Variants in TBX1 observed in about 807,000 individuals in gnomAD.
The protein encoded by TBX1 is T-box transcription factor 1.
A neutral mutation model predicts 40.8 loss-of-function variants in TBX1; 16 were observed. That is an observed-to-expected ratio of 0.39 (90% CI 0.27 to 0.60). The LOEUF is 0.60. TBX1 is among the 20% of genes least tolerant of loss of function. TBX1 has a pLI of 0.51. For synonymous variants in TBX1, 403 were observed against 336.8 expected (o/e 1.20, Z -2.15); for missense variants, 755 against 728.5 (o/e 1.04, Z -0.42).
intron 2 of TBX1, among the ~76,000 whole-genome samples, chr22:19,763,891 T>A (rs1680491216): frequency 1.3e-5 from 2 of 151,844 alleles, no homozygotes; most frequent in Admixed American, 1.3e-4. Flanking sequence ...TCCAGCGAAA[T>A]GAGATGGCAG....
intron 8 of TBX1, among the ~76,000 whole-genome samples, chr22:19,777,588 G>A (rs756432584): frequency 5.3e-5 from 8 of 152,066 alleles, no homozygotes; most frequent in Non-Finnish European, 5.9e-5. Context: ...TAATGGGGTG[G>A]CTGAGTTCTA....
chr22:19,757,761 C>G (rs1190105615), upstream of TBX1, among the ~76,000 whole-genome samples: 3 of 152,216 alleles, frequency 2.0e-5, no homozygotes, highest in African/African-American at 7.2e-5. Context: ...GGGCCTGGAA[C>G]CAGCTGGTCC....
chr22:19,766,263 G>A, intron 6 of TBX1, 126 bp from the exon 7 acceptor site: 1 of 1,174,708 alleles, frequency 8.5e-7, no homozygotes, highest in Non-Finnish European at 1.1e-6. Flanking sequence ...CGGGCACGCT[G>A]GCACCGACTG....
At chr22:19,765,875 C>T in intron 5 of TBX1, 27 bp from the exon 6 acceptor site, 1 of 1,553,386 alleles carries the variant, frequency 6.4e-7, no homozygotes, top group Non-Finnish European at 8.7e-7. Flanking sequence ...GGCGCAGGCG[C>T]CGCCCTGATC....
At chr22:19,764,448 T>C in intron 3 of TBX1, 122 bp downstream of exon 3, 1 of 1,310,960 alleles carries the variant, frequency 7.6e-7, no homozygotes, top group South Asian at 1.2e-5. Flanking sequence ...GGCTCTGGGC[T>C]GTCCCCGAGG....
chr22:19,780,776 G>GGTTTTTTT (rs1555898567), downstream of TBX1, among the ~76,000 whole-genome samples: 8 of 119,102 alleles, frequency 6.7e-5, no homozygotes, highest in African/African-American at 2.7e-4. Flanking sequence ...CTTGTTTTCT[G>GGTTTTTTT]TTTTTTTTTT....
chr22:19,757,261 C>T (rs1936508124), upstream of TBX1, among the ~76,000 whole-genome samples: 1 of 152,154 alleles, frequency 6.6e-6, no homozygotes, highest in African/African-American at 2.4e-5. Context: ...TCTGCTGTGG[C>T]AAGCTGGCCG....
downstream of TBX1, chr22:19,783,479 G>C (rs756991054): frequency 3.8e-6 from 1 of 264,468 alleles, no homozygotes; most frequent in Non-Finnish European, 7.4e-6. Context: ...GAGCCTATTA[G>C]TTGGAGGCTG....
intron 8 of TBX1, among the ~76,000 whole-genome samples, chr22:19,778,018 T>C (rs1236579378): frequency 6.6e-6 from 1 of 150,444 alleles, no homozygotes; most frequent in Admixed American, 6.6e-5. Context: ...CCTTGGCCTC[T>C]CAAAGTGCTG....
exon 9 of TBX1, chr22:19,779,494 A>G (rs758489369): frequency 2.5e-6 from 4 of 1,591,252 alleles, no homozygotes; most frequent in Non-Finnish European, 3.4e-6. Flanking sequence ...TTAAAAAAAC[A>G]GTGACTTGTT....
chr22:19,777,940 T>TA, intron 8 of TBX1, among the ~76,000 whole-genome samples: 1 of 151,770 alleles, frequency 6.6e-6, no homozygotes, highest in Admixed American at 6.6e-5. Context: ...TTAAGTTTTT[T>TA]GTGGAGATGG....
rs147834990 is a variant in TBX1 at position 19,779,385 on chromosome 22, C to T, written c.1175C>T (p.Thr392Ile). The stretch of plus-strand genomic sequence containing the variant: ...ACCCAGGGCCTGGTGGCTGGGAGGA[C>T]CGCAGGTGACCGTCTTTGTTGAATG... Residue 392 changes from threonine (T) to isoleucine (I), a missense_variant, in exon 9 of 9, where the codon ACC becomes ATC. Transcript: ENST00000329705. 21 of 1,614,102 alleles carry T rather than the reference C, an allele frequency of 1.3e-5. No individual in the cohort carries two copies. In the African/African-American group the frequency reaches 2.1e-4, roughly 16 times the overall value.
chr22:19,771,375 T>C (rs1006569528), downstream of TBX1, among the ~76,000 whole-genome samples: 4 of 152,224 alleles, frequency 2.6e-5, no homozygotes, highest in Non-Finnish European at 5.9e-5. Context: ...TCAAACCAGA[T>C]GGGCTCCTCA....
intron 8 of TBX1, chr22:19,779,129 C>G: frequency 6.8e-7 from 1 of 1,470,642 alleles, no homozygotes; most frequent in Non-Finnish European, 9.4e-7. Context: ...GGTTCAGACA[C>G]TGGACATTTG....
chr22:19,780,262 A>C (rs1279089266), downstream of TBX1, among the ~76,000 whole-genome samples: 1 of 152,166 alleles, frequency 6.6e-6, no homozygotes. Context: ...CTCTGTCCCC[A>C]TTAAACAAGA....
chr22:19,761,648 G>A (rs1424862370), intron 1 of TBX1, among the ~76,000 whole-genome samples: 1 of 152,180 alleles, frequency 6.6e-6, no homozygotes, highest in Non-Finnish European at 1.5e-5. Flanking sequence ...GGCGTCCAGG[G>A]GGCCTCACCG....
chr22:19,779,388 C>A, exon 9 of TBX1: 2 of 1,614,210 alleles, frequency 1.2e-6, no homozygotes, highest in Non-Finnish European at 1.7e-6. Context: ...GGGAGGACCG[C>A]AGGTGACCGT....
Position 19,767,291 on chromosome 22 carries a change from C to A in TBX1, c.*424C>A, listed in dbSNP as rs553424250. On this transcript the variant is annotated 3_prime_UTR_variant, in exon 7 of 7. Coordinates refer to ENST00000649276, the MANE Select transcript of TBX1 (RefSeq NM_001379200.1). ...GTAGATACTGTAGATACTGTAGATA[C>A]CGCCCCGGCGCCGACTTGATAAACG... The A allele has an allele frequency of 2.0e-6, 2 of 995,638 alleles. No homozygotes were observed. Among genetic ancestry groups the A allele is most frequent in the Non-Finnish European group, 2.4e-6 (2 of 836,828 alleles). The allele number at this position is 995,638 out of a possible 1,614,324, so 61.7% of individuals were successfully genotyped here. A position where few individuals can be genotyped will look rare whatever the true frequency, so the allele number is the denominator to read the frequency against.
downstream of TBX1, among the ~76,000 whole-genome samples, chr22:19,769,880 C>A (rs1028244787): frequency 6.6e-6 from 1 of 152,260 alleles, no homozygotes; most frequent in African/African-American, 2.4e-5. Flanking sequence ...GATAAGCCAC[C>A]GGGCCTATGG....
Sources: gnomAD v4.1 joint callset for allele counts (sites outside exome capture counted in the v4.1 genomes callset) on GRCh38, gnomAD v4.1.1 for gene constraint, MANE v1.5 for transcripts, NCBI Gene and HGNC (gene_info 2026-07-23, HGNC 2026-07-21) for gene names.